The following R3HDM1 variants were observed in gnomAD, a reference collection of about 807,000 sequenced individuals.
The protein encoded by R3HDM1 is R3H domain-containing protein 1.
R3HDM1 carries 46 observed loss-of-function variants against 141.1 expected under a neutral mutation model. That is an observed-to-expected ratio of 0.33 (90% CI 0.26 to 0.42). The LOEUF is 0.42. Among genes scored for constraint, R3HDM1 ranks in the 10% least tolerant of loss-of-function variants. R3HDM1 has a pLI of 1.00. For synonymous variants in R3HDM1, 435 were observed against 472.9 expected, an observed-to-expected ratio of 0.92 and a Z score of 1.04; for missense variants, 1,184 against 1,368.3, an observed-to-expected ratio of 0.87 and a Z score of 2.12.
Position 135,675,354 on chromosome 2 carries a change from G to A in R3HDM1, c.2175G>A (p.Gln725=). 6.2e-7 allele frequency: 1 copy of A among 1,613,812 alleles called. No individual in the cohort carries two copies. The highest frequency in any genetic ancestry group is 1.1e-5 in the South Asian group (1 of 91,052). Residue 725 remains glutamine (Q), a synonymous_variant, in exon 20 of 27, where the codon CAG becomes CAA. Coordinates refer to ENST00000683871, the MANE Select transcript of R3HDM1 (RefSeq NM_001378107.1). The part of the protein sequence containing the change: ...QQTGYQVIPN[Q]QQNYQGIVGV... ...CAGGTTATCAAGTTATACCCAACCA[G>A]CAGCAAAACTACCAAGGAATAGTTG...
chr2:135,580,673 A>G (rs562014315), intron 1 of R3HDM1, among the ~76,000 whole-genome samples: 1 of 152,306 alleles, frequency 6.6e-6, no homozygotes, highest in South Asian at 2.1e-4. Flanking sequence ...CTTCACTCAC[A>G]AGGCCTTGCC....
chr2:135,532,265 CTG>C (rs2104863243), intron 1 of R3HDM1, among the ~76,000 whole-genome samples: 1 of 152,352 alleles, frequency 6.6e-6, no homozygotes, highest in African/African-American at 2.4e-5. Flanking sequence ...AGTTGAATGA[CTG>C]TCAGTGCCAC....
chr2:135,533,407 T>C (rs1436315296), intron 1 of R3HDM1, among the ~76,000 whole-genome samples: 3 of 152,234 alleles, frequency 2.0e-5, no homozygotes, highest in Non-Finnish European at 4.4e-5. Flanking sequence ...TGATAAATTA[T>C]ACAATCGATA....
chr2:135,702,217 GAAA>G (rs35183953), intron 21 of R3HDM1, among the ~76,000 whole-genome samples: 3 of 120,866 alleles, frequency 2.5e-5, no homozygotes, highest in African/African-American at 3.9e-5. Flanking sequence ...GTCTCAGGGG[GAAA>G]AAAAAAAAAA....
intron 1 of R3HDM1, among the ~76,000 whole-genome samples, chr2:135,561,093 A>G (rs1382254800): frequency 6.6e-6 from 1 of 152,214 alleles, no homozygotes; most frequent in Admixed American, 6.5e-5. Context: ...AGGGTTAATT[A>G]TCACAGCATT....
At position 135,645,497 on chromosome 2, in the gene R3HDM1, A is replaced by C; in HGVS notation, c.1593A>C (p.Gln531His). The C allele has an allele frequency of 6.2e-7, 1 of 1,614,070 alleles. No individual in the cohort carries two copies. Among genetic ancestry groups the C allele is most frequent in the Non-Finnish European group, 8.5e-7 (1 of 1,179,992 alleles). The change falls in exon 16 of 27, where the codon CAA becomes CAC. Residue 531 changes from glutamine (Q) to histidine (H), a missense_variant. By Grantham distance (24) the Gln-to-His change is conservative. Transcript: ENST00000683871. ...AGCCACCTCTGCCAGCCCCACCTCAACAACCAGCAGCTAATCACATTTTCT... is the reference window on the plus strand; with the variant it reads ...AGCCACCTCTGCCAGCCCCACCTCACCAACCAGCAGCTAATCACATTTTCT... ...PPQPPLPAPPQQPAANHIFSQ... is the reference protein window; with the variant it reads ...PPQPPLPAPPHQPAANHIFSQ...
chr2:135,705,660 T>C (rs1305376215), intron 21 of R3HDM1, among the ~76,000 whole-genome samples: 1 of 152,006 alleles, frequency 6.6e-6, no homozygotes, highest in Non-Finnish European at 1.5e-5. Context: ...ATAAATAAAA[T>C]CACACTTTGA....
intron 1 of R3HDM1, among the ~76,000 whole-genome samples, chr2:135,540,659 C>T (rs1041484345): frequency 2.6e-5 from 4 of 152,186 alleles, no homozygotes; most frequent in South Asian, 4.1e-4. Context: ...CTCAAGCAGT[C>T]CTTCTGCCTC....
Position 135,611,518 on chromosome 2 carries a change from A to C in R3HDM1, c.172-4634A>C, listed in dbSNP as rs1406003317. ...TAACACGATTCTATGGCTTCTCAAA[A>C]ATTTGTGGCTTTATTGTCATGCAAG... On this transcript the variant is annotated intron_variant, in intron 3 of 26. Coordinates refer to ENST00000683871, the MANE Select transcript of R3HDM1 (RefSeq NM_001378107.1). Among the ~76,000 whole-genome samples, 6 of 152,130 alleles carry C rather than the reference A, an allele frequency of 3.9e-5. No homozygotes were observed. In the East Asian group the frequency reaches 9.6e-4, roughly 24 times the overall value.
intron 21 of R3HDM1, among the ~76,000 whole-genome samples, chr2:135,684,325 G>A (rs890093547): frequency 2.6e-5 from 4 of 152,020 alleles, no homozygotes; most frequent in Admixed American, 6.6e-5. Context: ...TCCTGACCTC[G>A]TGATCCGCCC....
chr2:135,659,092 G>A (rs937501600), intron 18 of R3HDM1, among the ~76,000 whole-genome samples: 2 of 86,290 alleles, frequency 2.3e-5, no homozygotes, highest in Non-Finnish European at 3.8e-5. Flanking sequence ...TGTGTGTTTG[G>A]TTTGGAGTTG....
chr2:135,591,956 A>T (rs1709379575), intron 1 of R3HDM1, among the ~76,000 whole-genome samples: 1 of 152,202 alleles, frequency 6.6e-6, no homozygotes, highest in African/African-American at 2.4e-5. Context: ...TAATTTGCAG[A>T]CAATCAGGGA....
intron 16 of R3HDM1, 108 bp downstream of exon 16, chr2:135,645,635 A>G (rs1261328765): frequency 1.5e-6 from 2 of 1,327,254 alleles, no homozygotes; most frequent in Non-Finnish European, 2.1e-6. Context: ...TAGAACTTTA[A>G]TATTCTGCCA....
intron 18 of R3HDM1, among the ~76,000 whole-genome samples, chr2:135,653,911 G>GT (rs530108904): frequency 8.5e-4 from 130 of 152,220 alleles, no homozygotes; most frequent in South Asian, 8.3e-4. Context: ...GCGTTATGTG[G>GT]TTTTTTGTTC....
chr2:135,537,673 TTTAC>T (rs1308422762), intron 1 of R3HDM1, among the ~76,000 whole-genome samples: 7 of 143,184 alleles, frequency 4.9e-5, no homozygotes, highest in African/African-American at 1.7e-4. Flanking sequence ...TTTATTTTAT[TTTAC>T]TTAGAGTCTC....
intron 9 of R3HDM1, among the ~76,000 whole-genome samples, chr2:135,634,173 A>G (rs1045463083): frequency 6.6e-6 from 1 of 152,150 alleles, no homozygotes; most frequent in Non-Finnish European, 1.5e-5. Context: ...CTTCTTACAT[A>G]TATTTATGTA....
intron 1 of R3HDM1, among the ~76,000 whole-genome samples, chr2:135,546,826 C>T (rs945129656): frequency 6.6e-6 from 1 of 152,078 alleles, no homozygotes; most frequent in Admixed American, 6.6e-5. Context: ...CGTGTGCTAC[C>T]ATGCCTGGCT....
intron 21 of R3HDM1, among the ~76,000 whole-genome samples, chr2:135,686,319 T>A (rs2071336156): frequency 2.0e-5 from 3 of 152,188 alleles, no homozygotes; most frequent in South Asian, 4.1e-4. Flanking sequence ...TCCAAATACT[T>A]CTAGATATTT....
Position 135,616,656 on chromosome 2 carries a change from A to G in R3HDM1, c.214-12A>G. The G allele has an allele frequency of 6.3e-7, 1 of 1,577,898 alleles. No homozygotes were observed. The highest frequency in any genetic ancestry group is 8.7e-7 in the Non-Finnish European group (1 of 1,152,240). On this transcript the variant is annotated splice_polypyrimidine_tract_variant and intron_variant, in intron 4 of 26. Coordinates refer to ENST00000683871, the MANE Select transcript of R3HDM1 (RefSeq NM_001378107.1). The stretch of plus-strand genomic sequence containing the variant: ...CTGAAATGTAGTGTTAATTATAAAT[A>G]CTTCTCTTTAGTCAAGCTCAAAGTT...
Sources: gnomAD v4.1 joint callset for allele counts (sites outside exome capture counted in the v4.1 genomes callset) on GRCh38, gnomAD v4.1.1 for gene constraint, MANE v1.5 for transcripts, NCBI Gene and HGNC (gene_info 2026-07-23, HGNC 2026-07-21) for gene names.